Variants in SHC3 observed in about 807,000 individuals in gnomAD.
SHC3 encodes SHC-transforming protein 3.
In SHC3, 15 loss-of-function variants were observed where a neutral mutation model predicts 60.4. The observed-to-expected ratio is 0.25, with a 90% CI of 0.17 to 0.38. SHC3 has a LOEUF of 0.38. Among genes scored for constraint, SHC3 ranks in the 10% least tolerant of loss-of-function variants. SHC3 has a pLI of 1.00. For synonymous variants in SHC3, 294 were observed against 325.9 expected (o/e 0.90, Z 1.05); for missense variants, 677 against 786.1 (o/e 0.86, Z 1.66).
chr9:89,122,234 C>CT (rs1826102293), intron 1 of SHC3, among the ~76,000 whole-genome samples: 1 of 152,232 alleles, frequency 6.6e-6, no homozygotes, highest in Admixed American at 6.5e-5. Context: ...TAAATGTCCT[C>CT]TTATCCTATC....
intron 1 of SHC3, among the ~76,000 whole-genome samples, chr9:89,158,382 C>T (rs867425762): frequency 6.6e-6 from 1 of 151,976 alleles, no homozygotes; most frequent in African/African-American, 2.4e-5. Context: ...AGAGACCATG[C>T]TCTGTATGAC....
chr9:89,077,875 C>G lies in SHC3; in HGVS notation c.574G>C (p.Val192Leu), dbSNP rs149150072. The G allele has an allele frequency of 1.2e-6, 2 of 1,614,098 alleles. No homozygotes were observed. The highest frequency in any genetic ancestry group is 2.7e-5 in the African/African-American group (2 of 74,926). Reference sequence around the variant, plus strand: ...TTGAAGGCTCCCTTCGCACCAGGCACAGCTTCACAGACGCGGCTGATGGCT... The same window carrying G: ...TTGAAGGCTCCCTTCGCACCAGGCAGAGCTTCACAGACGCGGCTGATGGCT... ...REAISRVCEA[V>L]PGAKGAFKKR... Residue 192 changes from valine (V) to leucine (L), a missense_variant, in exon 3 of 12, where the codon GTG (valine) becomes CTG (leucine). Val to Leu is a conservative substitution (Grantham distance 32, BLOSUM62 1). Transcript: ENST00000375835.
intron 11 of SHC3, among the ~76,000 whole-genome samples, chr9:89,032,062 C>T (rs1824500844): frequency 6.6e-6 from 1 of 152,166 alleles, no homozygotes; most frequent in South Asian, 2.1e-4. Flanking sequence ...TCCTGAGTCA[C>T]CCAAGGACCT....
rs558258444 is a variant in SHC3, at chr9:89,010,939, C to T, written c.*2508G>A. 1 of 152,392 alleles carries T rather than the reference C, an allele frequency of 6.6e-6. No homozygotes were observed. The highest frequency in any genetic ancestry group is 2.1e-4 in the South Asian group (1 of 4,830). The allele number at this position is 152,392 out of a possible 1,614,324, so 9.4% of individuals were successfully genotyped here. ...AGGTGTGGCACCAGCCCCAGCCTCA[C>T]TTTCCCCATGTGTCTGTGAGGCTCA... On this transcript the variant is annotated 3_prime_UTR_variant, in exon 12 of 12. Transcript: ENST00000375835.
intron 2 of SHC3, chr9:89,109,515 G>A: frequency 1.0e-6 from 1 of 985,514 alleles, no homozygotes; most frequent in African/African-American, 1.7e-5. Context: ...TTTATAGAAT[G>A]TTGGAAGCCA....
chr9:89,047,613 A>T lies in SHC3; in HGVS notation c.963-619T>A, dbSNP rs77327812. Among the ~76,000 whole-genome samples, 133 of 152,358 alleles carry T rather than the reference A, an allele frequency of 8.7e-4. 1 individual carries two copies. In the East Asian group the frequency reaches 0.02, roughly 23 times the overall value. ...TGAGCAGACTTTTCTCCAGAGATAC[A>T]CAAAAAGCCAATACATGCATGAAAA... On this transcript the variant is annotated intron_variant, in intron 7 of 11. Transcript: ENST00000375835.
chr9:89,034,882 G>T (rs980552947), intron 11 of SHC3, among the ~76,000 whole-genome samples: 2 of 152,296 alleles, frequency 1.3e-5, no homozygotes, highest in Admixed American at 1.3e-4. Context: ...CTGAGGCAGG[G>T]CTTGCATAAT....
rs1299751923 is a variant in SHC3 at position 89,167,794 on chromosome 9, GA to G, written c.474+10192del. On this transcript the variant is annotated intron_variant, in intron 1 of 11. Transcript: ENST00000375835. ...GCTATTATTGTTTGCAAATTAGGGG[GA>G]AAAACCCCATGGCTTTTCCATTTTA... Among the ~76,000 whole-genome samples, 14 of 152,316 alleles carry G rather than the reference GA, an allele frequency of 9.2e-5. No homozygotes were observed. The South Asian group carries it at 1.2e-3, about 14-fold the overall frequency.
chr9:89,167,952 T>C (rs1182500032), intron 1 of SHC3, among the ~76,000 whole-genome samples: 5 of 152,140 alleles, frequency 3.3e-5, no homozygotes, highest in African/African-American at 4.8e-5. Flanking sequence ...CGAGGGACCA[T>C]ATCAGGTGTG....
At chr9:89,083,079 C>T (rs1825471417) in intron 2 of SHC3, among the ~76,000 whole-genome samples, 1 of 152,212 alleles carries the variant, frequency 6.6e-6, no homozygotes, top group African/African-American at 2.4e-5. Context: ...AGGTAGCAGT[C>T]CTGGGTCTCT....
At position 89,166,669 on chromosome 9, in the gene SHC3, G is replaced by A. The variant is rs1449877216; in HGVS notation, c.474+11318C>T. Among the ~76,000 whole-genome samples the A allele has an allele frequency of 5.9e-5, 9 of 152,258 alleles. No individual in the cohort carries two copies. The East Asian group carries it at 1.7e-3, about 29-fold the overall frequency. ...TTTTCCAGATCACTATCCACAGACTGGGAGAAGCCGATCACTGCATGTTGA... is the reference window on the plus strand; with the variant it reads ...TTTTCCAGATCACTATCCACAGACTAGGAGAAGCCGATCACTGCATGTTGA... On this transcript the variant is annotated intron_variant, in intron 1 of 11. Transcript: ENST00000375835.
chr9:89,042,457 G>C (rs985923018), intron 9 of SHC3, among the ~76,000 whole-genome samples: 10 of 152,136 alleles, frequency 6.6e-5, no homozygotes, highest in African/African-American at 2.4e-4. Flanking sequence ...AAAAATTTTG[G>C]CCCTTGCTGC....
intron 2 of SHC3, among the ~76,000 whole-genome samples, chr9:89,078,435 G>T (rs549129249): frequency 5.4e-4 from 82 of 152,326 alleles, no homozygotes; most frequent in African/African-American, 1.9e-3. Flanking sequence ...GTTGGAAGGA[G>T]AAGAGGAACT....
At chr9:89,170,368 T>G (rs1318703544) in intron 1 of SHC3, among the ~76,000 whole-genome samples, 1 of 152,250 alleles carries the variant, frequency 6.6e-6, no homozygotes, top group East Asian at 1.9e-4. Context: ...TATGTCGGCC[T>G]GGCACAGTGG....
At chr9:89,127,479 C>T (rs1480554086) in intron 1 of SHC3, among the ~76,000 whole-genome samples, 1 of 152,086 alleles carries the variant, frequency 6.6e-6, no homozygotes, top group East Asian at 1.9e-4. Context: ...CCCCACAGAA[C>T]CTGTTTTGGA....
rs763206360 is a variant in SHC3, at chr9:89,107,103, G to A, written c.545+5453C>T. Among the ~76,000 whole-genome samples the A allele has an allele frequency of 3.9e-5, 6 of 152,192 alleles. 1 individual carries two copies. Among genetic ancestry groups the A allele is most frequent in the Non-Finnish European group, 8.8e-5 (6 of 68,032 alleles). On this transcript the variant is annotated intron_variant, in intron 2 of 11. Transcript: ENST00000375835. ...ACAGAGTTGGACCAGCTAAGGGACT[G>A]TCAGGAGTGACCACTTACATTCCAG... is the stretch of plus-strand genomic sequence containing the variant.
At chr9:89,102,388 G>T (rs939943918) in intron 2 of SHC3, among the ~76,000 whole-genome samples, 1 of 152,094 alleles carries the variant, frequency 6.6e-6, no homozygotes. Context: ...TAATGACTCT[G>T]GATCAAGGAA....
chr9:89,020,984 C>T (rs1301710419), intron 11 of SHC3, among the ~76,000 whole-genome samples: 2 of 152,108 alleles, frequency 1.3e-5, no homozygotes, highest in Non-Finnish European at 2.9e-5. Context: ...TGGGGAGGTG[C>T]CCAGGGGAGC....
At chr9:89,060,318 G>A (rs925385176) in intron 6 of SHC3, among the ~76,000 whole-genome samples, 1 of 151,294 alleles carries the variant, frequency 6.6e-6, no homozygotes, top group African/African-American at 2.4e-5. Flanking sequence ...GGTAGAGGAC[G>A]TGGTGTAGGA....
Sources: allele counts gnomAD v4.1 joint callset (sites outside exome capture counted in the v4.1 genomes callset), GRCh38; gene constraint gnomAD v4.1.1; transcripts MANE v1.5; gene names NCBI Gene and HGNC (gene_info 2026-07-23, HGNC 2026-07-21).